The following MYO3A variants were observed in gnomAD, a reference collection of about 807,000 sequenced individuals.
The protein encoded by MYO3A is myosin IIIA.
MYO3A carries 180 observed loss-of-function variants against 192.7 expected under a neutral mutation model. The observed-to-expected ratio is 0.93, with a 90% CI of 0.83 to 1.06. The LOEUF (loss-of-function observed/expected upper bound fraction) is 1.06. Ranked by LOEUF, MYO3A falls within the 50% of genes least tolerant of loss-of-function variation. The pLI is 0.00. For missense variants in MYO3A, 1,896 were observed against 1,905.0 expected, an observed-to-expected ratio of 1.00 and a Z score of 0.09; for synonymous variants, 628 against 645.3, an observed-to-expected ratio of 0.97 and a Z score of 0.41.
At chr10:26,154,655 AAGAT>A (rs1840998607) in intron 24 of MYO3A, 87 bp from the exon 25 acceptor site, 2 of 1,176,186 alleles carry the variant, frequency 1.7e-6, no homozygotes, top group Non-Finnish European at 2.5e-6. Context: ...TGCATAAACT[AAGAT>A]AGCCTGAAGG....
intron 6 of MYO3A, among the ~76,000 whole-genome samples, chr10:26,003,810 C>T (rs1425930827): frequency 6.6e-6 from 1 of 152,124 alleles, no homozygotes; most frequent in Non-Finnish European, 1.5e-5. Flanking sequence ...TACAAAAGTA[C>T]AGAATGTACT....
intron 1 of MYO3A, among the ~76,000 whole-genome samples, chr10:25,934,674 CA>C (rs1835928145): frequency 6.7e-6 from 1 of 149,286 alleles, no homozygotes; most frequent in Non-Finnish European, 1.5e-5. Flanking sequence ...GAGGGGGAGC[CA>C]GGAGGAGGGA....
chr10:26,026,394 A>G lies in MYO3A; in HGVS notation c.815A>G (p.Tyr272Cys). Residue 272 changes from tyrosine (Y) to cysteine (C), a missense_variant, in exon 10 of 35, where the codon TAT becomes TGT. Coordinates refer to ENST00000642920, the MANE Select transcript of MYO3A (RefSeq NM_017433.5). ...DFISKCLTKD[Y>C]EKRPTVSELL... ...CAGTGCAGGTGCTTGACTAAAGATT[A>G]TGAAAAGCGTCCAACAGTGTCAGAA... 1 of 1,614,146 alleles carries G rather than the reference A, an allele frequency of 6.2e-7. No individual in the cohort carries two copies.
chr10:26,069,327 G>A (rs186588674), intron 12 of MYO3A, among the ~76,000 whole-genome samples: 1 of 152,058 alleles, frequency 6.6e-6, no homozygotes, highest in African/African-American at 2.4e-5. Context: ...TCCTTTTGAT[G>A]TATTATTGGC....
chr10:26,051,635 A>G (rs889772529), intron 10 of MYO3A, among the ~76,000 whole-genome samples: 3 of 149,686 alleles, frequency 2.0e-5, no homozygotes, highest in African/African-American at 7.3e-5. Context: ...TATATTTAAA[A>G]TTATTTTGTG....
intron 4 of MYO3A, among the ~76,000 whole-genome samples, chr10:25,968,802 C>T (rs1004329779): frequency 6.6e-6 from 1 of 152,244 alleles, no homozygotes; most frequent in African/African-American, 2.4e-5. Context: ...CCTGCTCCAT[C>T]CCACCCAGAA....
intron 7 of MYO3A, among the ~76,000 whole-genome samples, chr10:26,020,366 A>G (rs1842239448): frequency 6.6e-6 from 1 of 152,202 alleles, no homozygotes; most frequent in African/African-American, 2.4e-5. Context: ...ATAAAGATTT[A>G]TTTATGAAGT....
chr10:25,989,448 A>G (rs74129524), intron 4 of MYO3A, among the ~76,000 whole-genome samples: 2,758 of 152,228 alleles, frequency 0.018, 93 homozygotes, highest in African/African-American at 0.063. Flanking sequence ...GATACAGAAG[A>G]AAAATGCAAG....
At chr10:26,124,546 G>GA (rs1839085996) in intron 18 of MYO3A, among the ~76,000 whole-genome samples, 1 of 152,126 alleles carries the variant, frequency 6.6e-6, no homozygotes, top group African/African-American at 2.4e-5. Context: ...TCCACGATAT[G>GA]AAAAAATATA....
chr10:26,202,623 T>C, intron 33 of MYO3A: 1 of 293,720 alleles, frequency 3.4e-6, no homozygotes, highest in Non-Finnish European at 6.5e-6. Context: ...GATAATGGCC[T>C]AAAGGTCAGT....
intron 6 of MYO3A, among the ~76,000 whole-genome samples, chr10:26,012,727 T>C (rs1588774265): frequency 6.6e-6 from 1 of 152,158 alleles, no homozygotes; most frequent in African/African-American, 2.4e-5. Context: ...TTTCACAGAA[T>C]TAGAAAAAAA....
chr10:26,188,059 T>A (rs369509224), intron 31 of MYO3A, among the ~76,000 whole-genome samples: 2 of 152,002 alleles, frequency 1.3e-5, no homozygotes, highest in African/African-American at 2.4e-5. Context: ...TCCCTGAGGA[T>A]TCGCCACACT....
rs534615791 is a variant in MYO3A, at chr10:25,968,972, G to A, written c.303+13964G>A. Among the ~76,000 whole-genome samples, 3 of 152,342 alleles carry A rather than the reference G, an allele frequency of 2.0e-5. No individual in the cohort carries two copies. In the South Asian group the frequency reaches 6.2e-4, roughly 32 times the overall value. ...TAATGGCCACAGGCCAGGCATGGTG[G>A]CTCACGCCTGTAATCCCAGCACTTT... On this transcript the variant is annotated intron_variant, in intron 4 of 34. Coordinates refer to ENST00000642920, the MANE Select transcript of MYO3A (RefSeq NM_017433.5).
chr10:26,118,130 T>G (rs986745351), intron 17 of MYO3A, among the ~76,000 whole-genome samples: 2 of 152,196 alleles, frequency 1.3e-5, no homozygotes, highest in Non-Finnish European at 2.9e-5. Context: ...GTTGGCTGTA[T>G]GTATGTCTTC....
intron 31 of MYO3A, among the ~76,000 whole-genome samples, chr10:26,180,127 G>T (rs141412490): frequency 7.8e-4 from 118 of 152,220 alleles, no homozygotes; most frequent in African/African-American, 2.7e-3. Flanking sequence ...GAGCCACCGC[G>T]CCTGGCCTCA....
intron 4 of MYO3A, among the ~76,000 whole-genome samples, chr10:25,995,827 G>C (rs1013167423): frequency 1.3e-5 from 2 of 152,226 alleles, no homozygotes; most frequent in African/African-American, 4.8e-5. Flanking sequence ...GAATATTGCT[G>C]AACAGCAAAT....
At chr10:25,989,261 C>CTTT (rs761028666) in intron 4 of MYO3A, among the ~76,000 whole-genome samples, 91 of 135,168 alleles carry the variant, frequency 6.7e-4, no homozygotes, top group African/African-American at 2.2e-3. Context: ...AGTTTTTTGG[C>CTTT]TTTTTTTTTT....
At chr10:26,068,286 C>T (rs1422264867) in intron 11 of MYO3A, among the ~76,000 whole-genome samples, 4 of 152,018 alleles carry the variant, frequency 2.6e-5, no homozygotes, top group Non-Finnish European at 5.9e-5. Flanking sequence ...AATGACTTAT[C>T]AACTATGAAA....
At chr10:26,207,518 C>G (rs1190739525) in intron 34 of MYO3A, among the ~76,000 whole-genome samples, 1 of 152,190 alleles carries the variant, frequency 6.6e-6, no homozygotes, top group Non-Finnish European at 1.5e-5. Flanking sequence ...TTTTGCAGCA[C>G]CACTTATTGA....
Sources: gnomAD v4.1 joint callset for allele counts (sites outside exome capture counted in the v4.1 genomes callset) on GRCh38, gnomAD v4.1.1 for gene constraint, MANE v1.5 for transcripts, NCBI Gene and HGNC (gene_info 2026-07-23, HGNC 2026-07-21) for gene names.